GNAQ: variants seen among roughly 807,000 people sequenced by gnomAD.
The protein encoded by GNAQ is guanine nucleotide-binding protein G(q) subunit alpha.
In GNAQ, 8 loss-of-function variants were observed where a neutral mutation model predicts 43.9. The ratio of observed to expected loss-of-function variants is 0.18; its 90% CI spans 0.11 to 0.33. The LOEUF is 0.33. Among genes scored for constraint, GNAQ ranks in the 10% least tolerant of loss-of-function variants. GNAQ has a pLI of 1.00. For missense variants in GNAQ, 158 were observed against 450.8 expected (o/e 0.35, Z 5.88); for synonymous variants, 155 against 170.7 (o/e 0.91, Z 0.71).
rs80165987 is a variant in GNAQ at position 77,740,936 on chromosome 9, C to T, written c.736-12269G>A. ...TGTCTGTCATAACTAGTCAACTCTGCCCATGTACCAGGAAAGCACCTCTAG... is the reference window on the plus strand; with the variant it reads ...TGTCTGTCATAACTAGTCAACTCTGTCCATGTACCAGGAAAGCACCTCTAG... On this transcript the variant is annotated intron_variant, in intron 5 of 6. Coordinates refer to ENST00000286548, the MANE Select transcript of GNAQ (RefSeq NM_002072.5). Among the ~76,000 whole-genome samples, 759 of 152,272 alleles carry T rather than the reference C, an allele frequency of 5.0e-3. 6 individuals are homozygous for T. The highest frequency in any genetic ancestry group is 0.017 in the African/African-American group (696 of 41,562).
chr9:77,832,996 T>G (rs1214404978), intron 2 of GNAQ, among the ~76,000 whole-genome samples: 1 of 152,190 alleles, frequency 6.6e-6, no homozygotes, highest in East Asian at 1.9e-4. Flanking sequence ...AGATGGATTC[T>G]CGCTCTATCT....
intron 1 of GNAQ, among the ~76,000 whole-genome samples, chr9:77,973,933 G>A (rs1394632970): frequency 2.0e-5 from 3 of 151,932 alleles, no homozygotes; most frequent in Non-Finnish European, 2.9e-5. Flanking sequence ...TATATAATAA[G>A]GTAAAACTTA....
In GNAQ at chr9:77,836,056, A is replaced by G. The variant is rs1313900945; in HGVS notation, c.322-20286T>C. On this transcript the variant is annotated intron_variant, in intron 2 of 6. Coordinates refer to ENST00000286548, the MANE Select transcript of GNAQ (RefSeq NM_002072.5). ...AATTTGAACATTCACTATTCACTGA[A>G]TATGCACTAAACTTATGGCCAAAAT... is the stretch of plus-strand genomic sequence containing the variant. Among the ~76,000 whole-genome samples, 3 of 152,210 alleles carry G rather than the reference A, an allele frequency of 2.0e-5. No individual in the cohort carries two copies. The East Asian group carries it at 5.8e-4, about 29-fold the overall frequency.
intron 6 of GNAQ, among the ~76,000 whole-genome samples, chr9:77,728,170 T>A (rs1825429463): frequency 6.6e-6 from 1 of 152,098 alleles, no homozygotes; most frequent in African/African-American, 2.4e-5. Flanking sequence ...AATTTTTATA[T>A]TTTTAGTAGA....
chr9:77,835,566 G>GA (rs1053577439), intron 2 of GNAQ, among the ~76,000 whole-genome samples: 1 of 152,004 alleles, frequency 6.6e-6, no homozygotes, highest in Non-Finnish European at 1.5e-5. Flanking sequence ...AGTAAAGACA[G>GA]AAAAAAATAG....
intron 2 of GNAQ, among the ~76,000 whole-genome samples, chr9:77,898,675 T>G (rs1476331394): frequency 1.3e-5 from 2 of 151,868 alleles, no homozygotes; most frequent in Non-Finnish European, 2.9e-5. Context: ...GTGAAAAGAG[T>G]AGAGAATACA....
chr9:77,911,780 C>A (rs1293242946), intron 2 of GNAQ, among the ~76,000 whole-genome samples: 1 of 152,132 alleles, frequency 6.6e-6, no homozygotes, highest in Non-Finnish European at 1.5e-5. Context: ...CCAGCTCCAA[C>A]TCTTGTTAGA....
chr9:77,860,444 A>G (rs1827829561), intron 2 of GNAQ, among the ~76,000 whole-genome samples: 1 of 152,152 alleles, frequency 6.6e-6, no homozygotes, highest in Non-Finnish European at 1.5e-5. Context: ...AAGACTGTGG[A>G]ATGCTACAGA....
In GNAQ at chr9:77,946,911, A is replaced by T. The variant is rs892208603; in HGVS notation, c.137-24566T>A. Among the ~76,000 whole-genome samples the T allele has an allele frequency of 8.5e-5, 13 of 152,262 alleles. 1 individual carries two copies. Among genetic ancestry groups the T allele is most frequent in the Admixed American group, 6.5e-5 (1 of 15,290 alleles). On this transcript the variant is annotated intron_variant, in intron 1 of 6. Transcript: ENST00000286548. ...AAAAAATACAGGTAGAGCCCTTAGC[A>T]ATACAGGTAGAGCCTGACTGCCACA...
Position 78,031,262 on chromosome 9 carries a change from C to G in GNAQ, c.-27G>C. ...CTTCCAAAGTGCCTCCGCTGCAGCC[C>G]CGCCGGCACCCCCTGCTCACAGCGC... On this transcript the variant is annotated 5_prime_UTR_variant, in exon 1 of 7. Coordinates refer to ENST00000286548, the MANE Select transcript of GNAQ (RefSeq NM_002072.5). 1.4e-6 allele frequency: 2 copies of G among 1,469,836 alleles called. No individual in the cohort carries two copies. Among genetic ancestry groups the G allele is most frequent in the South Asian group, 1.3e-5 (1 of 74,332 alleles). The allele number at this position is 1,469,836 out of a possible 1,614,324, so 91.0% of individuals were successfully genotyped here.
chr9:77,719,199 A>T lies in GNAQ; in HGVS notation c.*2124T>A, dbSNP rs1825271551. The T allele has an allele frequency of 4.3e-6, 1 of 231,520 alleles. No homozygotes were observed. The highest frequency in any genetic ancestry group is 8.5e-6 in the Non-Finnish European group (1 of 117,048). The allele number at this position is 231,520 out of a possible 1,614,324, so 14.3% of individuals were successfully genotyped here. On this transcript the variant is annotated 3_prime_UTR_variant, in exon 7 of 7. Transcript: ENST00000286548. Reference sequence around the variant, plus strand: ...TGACAAATTTACATTCTCCTCTCTTAAAAAAGTAAATAAAATAACATTATT... The same window carrying T: ...TGACAAATTTACATTCTCCTCTCTTTAAAAAGTAAATAAAATAACATTATT...
chr9:77,792,939 C>T (rs1303124648), intron 5 of GNAQ, among the ~76,000 whole-genome samples: 1 of 152,012 alleles, frequency 6.6e-6, no homozygotes, highest in East Asian at 1.9e-4. Flanking sequence ...TCTTCTAGGG[C>T]AGAGTTGATT....
chr9:78,016,363 C>A (rs1823837916), intron 1 of GNAQ, among the ~76,000 whole-genome samples: 1 of 152,134 alleles, frequency 6.6e-6, no homozygotes, highest in Admixed American at 6.5e-5. Context: ...CTCCATCTTT[C>A]CATAAAGAAA....
intron 1 of GNAQ, among the ~76,000 whole-genome samples, chr9:78,015,408 T>G (rs962432574): frequency 6.6e-6 from 1 of 152,176 alleles, no homozygotes. Flanking sequence ...TGTACTTACA[T>G]AGAGCAAAAT....
intron 1 of GNAQ, among the ~76,000 whole-genome samples, chr9:78,003,923 A>G (rs1348825366): frequency 2.0e-5 from 3 of 152,214 alleles, no homozygotes; most frequent in Non-Finnish European, 1.5e-5. Flanking sequence ...TCATTGAGCA[A>G]ACAAAAAAGC....
chr9:77,897,618 A>G (rs1828524443), intron 2 of GNAQ, among the ~76,000 whole-genome samples: 1 of 152,220 alleles, frequency 6.6e-6, no homozygotes, highest in South Asian at 2.1e-4. Flanking sequence ...GGACCTGGGC[A>G]AAACTTCGGG....
chr9:77,932,095 T>C (rs953230447), intron 1 of GNAQ, among the ~76,000 whole-genome samples: 1 of 152,228 alleles, frequency 6.6e-6, no homozygotes, highest in Admixed American at 6.5e-5. Flanking sequence ...TTGCACCATA[T>C]TGGCACCTAA....
intron 5 of GNAQ, among the ~76,000 whole-genome samples, chr9:77,733,017 G>C (rs112379422): frequency 8.5e-5 from 13 of 152,174 alleles, no homozygotes; most frequent in African/African-American, 3.1e-4. Context: ...TGAAGCCATG[G>C]AAATGTCAGA....
intron 3 of GNAQ, among the ~76,000 whole-genome samples, chr9:77,797,946 T>A (rs977390080): frequency 6.6e-6 from 1 of 152,360 alleles, no homozygotes; most frequent in Middle Eastern, 3.4e-3. Context: ...ATTAGTTTCC[T>A]ATTCTCTACT....
Sources: allele counts gnomAD v4.1 joint callset (sites outside exome capture counted in the v4.1 genomes callset), GRCh38; gene constraint gnomAD v4.1.1; transcripts MANE v1.5; gene names NCBI Gene and HGNC (gene_info 2026-07-23, HGNC 2026-07-21).